Variants in FBN2 observed in about 807,000 individuals in gnomAD.
FBN2 encodes the protein fibrillin 2, also known as fibrillin-2.
Under a neutral mutation model 355.6 loss-of-function variants are expected in FBN2, and 105 were observed. That is an observed-to-expected ratio of 0.30 (90% CI 0.25 to 0.35). The LOEUF (loss-of-function observed/expected upper bound fraction) is 0.35, where lower values mean the gene tolerates loss of function less well. FBN2 is among the 10% of genes least tolerant of loss of function. The probability of loss-of-function intolerance (pLI) is 1.00; values close to 1 mark genes in which losing one functional copy is unlikely to be tolerated. For missense variants in FBN2, 3,280 were observed against 3,758.7 expected (o/e 0.87, Z 3.33); for synonymous variants, 1,350 against 1,301.2 (o/e 1.04, Z -0.81).
In FBN2 at chr5:128,307,212, T is replaced by C. The variant is rs1455411099; in HGVS notation, c.5354-9A>G. On this transcript the variant is annotated splice_polypyrimidine_tract_variant and intron_variant, in intron 41 of 64. Coordinates refer to ENST00000262464, the MANE Select transcript of FBN2 (RefSeq NM_001999.4). ...TATGGTTTTAAAGTCAGCTTTAAAA[T>C]ATAAACAAAGCAATGCACTCTTAAA... The C allele has an allele frequency of 6.4e-7, 1 of 1,560,698 alleles. No homozygotes were observed.
chr5:128,358,435 T>C (rs1376100870), intron 19 of FBN2, among the ~76,000 whole-genome samples: 1 of 152,144 alleles, frequency 6.6e-6, no homozygotes, highest in Non-Finnish European at 1.5e-5. Flanking sequence ...GAATTTATTA[T>C]AAAGCACTTT....
intron 7 of FBN2, among the ~76,000 whole-genome samples, chr5:128,433,722 C>T (rs745847050): frequency 2.0e-4 from 30 of 152,162 alleles, no homozygotes; most frequent in Admixed American, 6.5e-4. Context: ...TTTTCCTCTG[C>T]CGTTCACCAA....
intron 36 of FBN2, among the ~76,000 whole-genome samples, chr5:128,315,928 G>T (rs1042491551): frequency 6.6e-6 from 1 of 152,106 alleles, no homozygotes; most frequent in African/African-American, 2.4e-5. Context: ...ACGTAGTCTG[G>T]GATTGTGCTT....
chr5:128,274,624 C>G lies in FBN2; in HGVS notation c.7654G>C (p.Gly2552Arg), dbSNP rs375790581. 2.0e-5 allele frequency: 32 copies of G among 1,613,442 alleles called. No homozygotes were observed. Among genetic ancestry groups the G allele is most frequent in the Non-Finnish European group, 2.5e-5 (30 of 1,179,540 alleles). ...GGTGGACATTTACAGGTAAACCCCC[C>G]CAGGGTGTTGACACAGAGGAACTGG... ...NCQFLCVNTLGGFTCKCPPGF... is the reference protein window; with the variant it reads ...NCQFLCVNTLRGFTCKCPPGF... The change falls in exon 60 of 65, where the codon GGG (glycine) becomes CGG (arginine). Residue 2552 changes from glycine (G) to arginine (R), a missense_variant. Gly to Arg is a moderately radical substitution (Grantham distance 125). This residue lies in a region of FBN2 where 2,284 missense variants were observed against 2,749.5 expected (regional missense o/e 0.83). Transcript: ENST00000262464.
rs748537515 is a variant in FBN2 at position 128,291,602 on chromosome 5, AG to A, written c.6218del (p.Thr2073IlefsTer176). On this transcript the variant is annotated frameshift_variant, in exon 49 of 65. Transcript: ENST00000262464. LOFTEE classifies it high-confidence loss of function. The stretch of plus-strand genomic sequence containing the variant: ...GGCACTGGAAGCCCCCTGGAGTATT[AG>A]TACAGGAACCAAAAAGACAAATGTT... The part of the protein sequence containing the change: ...DPNICLFGSC[T>X]NTPGGFQCLC... The A allele has an allele frequency of 6.2e-7, 1 of 1,613,518 alleles. No homozygotes were observed. Among genetic ancestry groups the A allele is most frequent in the Non-Finnish European group, 8.5e-7 (1 of 1,179,444 alleles).
At chr5:128,409,130 G>A (rs1241985969) in intron 7 of FBN2, among the ~76,000 whole-genome samples, 1 of 152,016 alleles carries the variant, frequency 6.6e-6, no homozygotes. Flanking sequence ...TCCTACTAGA[G>A]CCTTTAAAAA....
intron 7 of FBN2, among the ~76,000 whole-genome samples, chr5:128,443,589 A>C (rs139698691): frequency 1.3e-5 from 2 of 152,200 alleles, no homozygotes; most frequent in African/African-American, 4.8e-5. Flanking sequence ...AGCTAATTGC[A>C]GTTTCTTGTT....
chr5:128,458,340 A>T (rs1754460666), intron 6 of FBN2, among the ~76,000 whole-genome samples: 2 of 152,048 alleles, frequency 1.3e-5, no homozygotes, highest in Admixed American at 1.3e-4. Flanking sequence ...AGAGACTTAG[A>T]CTTCCACACA....
chr5:128,432,556 A>G (rs1305337087), intron 7 of FBN2, among the ~76,000 whole-genome samples: 2 of 152,140 alleles, frequency 1.3e-5, no homozygotes, highest in African/African-American at 2.4e-5. Context: ...AAAGCCTACA[A>G]TATTTACTAT....
chr5:128,481,633 C>A (rs887771539), intron 5 of FBN2, among the ~76,000 whole-genome samples: 8 of 152,164 alleles, frequency 5.3e-5, no homozygotes, highest in African/African-American at 1.9e-4. Context: ...AAATTTCCAA[C>A]CAGATGTTTG....
chr5:128,394,984 C>T (rs1404600056), intron 9 of FBN2, 138 bp downstream of exon 9: 4 of 908,382 alleles, frequency 4.4e-6, no homozygotes, highest in South Asian at 1.4e-5. Context: ...CAGGATTTCG[C>T]CATGTTGCCC....
intron 5 of FBN2, among the ~76,000 whole-genome samples, chr5:128,509,337 C>A (rs6892983): frequency 0.5 from 75,499 of 151,870 alleles, 22,019 homozygotes; most frequent in African/African-American, 0.82. Flanking sequence ...CAGGCTCACT[C>A]GTCTTTTCGC....
At chr5:128,349,071 A>G (rs954305248) in intron 23 of FBN2, among the ~76,000 whole-genome samples, 22 of 152,334 alleles carry the variant, frequency 1.4e-4, no homozygotes, top group South Asian at 8.3e-4. Context: ...CTATTAACTC[A>G]GTGTGAAAGA....
intron 7 of FBN2, among the ~76,000 whole-genome samples, chr5:128,439,089 C>T (rs538056442): frequency 2.6e-5 from 4 of 152,148 alleles, no homozygotes; most frequent in East Asian, 1.9e-4. Context: ...GCTATCTTTT[C>T]GTAAGGATGA....
intron 8 of FBN2, among the ~76,000 whole-genome samples, chr5:128,402,695 A>G (rs1752828090): frequency 1.3e-5 from 2 of 152,234 alleles, no homozygotes; most frequent in African/African-American, 2.4e-5. Context: ...AGCCCAGGTC[A>G]GAACAATAGT....
At chr5:128,479,964 CTCTCTCTCTCTCTATATATATA>C (rs1223505887) in intron 5 of FBN2, among the ~76,000 whole-genome samples, 3 of 34,878 alleles carry the variant, frequency 8.6e-5, no homozygotes, top group Non-Finnish European at 1.6e-4. Flanking sequence ...CTCTCTCTCT[CTCTCTCTCTCTCTATATATATA>C]TATATATATA....
Position 128,310,118 on chromosome 5 carries a change from G to C in FBN2, c.5075-10C>G, listed in dbSNP as rs1464966073. The C allele has an allele frequency of 1.9e-6, 3 of 1,604,618 alleles. No homozygotes were observed. Among genetic ancestry groups the C allele is most frequent in the Non-Finnish European group, 2.6e-6 (3 of 1,172,098 alleles). ...AAACACTCATCAATATCTAGAGTAG[G>C]CAAGAATATCTATTAATTAATAAAT... On this transcript the variant is annotated splice_polypyrimidine_tract_variant and intron_variant, in intron 39 of 64. Coordinates refer to ENST00000262464, the MANE Select transcript of FBN2 (RefSeq NM_001999.4).
chr5:128,526,063 A>G (rs2112796026), intron 4 of FBN2, among the ~76,000 whole-genome samples: 1 of 152,286 alleles, frequency 6.6e-6, no homozygotes, highest in East Asian at 1.9e-4. Context: ...CTTTCTTTAA[A>G]TGGATACTCC....
In FBN2 at chr5:128,464,896, A is replaced by G; in HGVS notation, c.654T>C (p.Thr218=). The G allele has an allele frequency of 6.2e-7, 1 of 1,614,236 alleles. No homozygotes were observed. Among genetic ancestry groups the G allele is most frequent in the Non-Finnish European group, 8.5e-7 (1 of 1,180,042 alleles). Residue 218 remains threonine, a synonymous_variant, in exon 6 of 65, where the codon ACT becomes ACC. Coordinates refer to ENST00000262464, the MANE Select transcript of FBN2 (RefSeq NM_001999.4). ...ERDYRTGPCF[T]QVNNQMCQGQ... The stretch of plus-strand genomic sequence containing the variant: ...CTTGGCACATCTGGTTGTTGACCTG[A>G]GTGAAACACGGGCCTGTCCTGTAAT...
Sources: allele counts gnomAD v4.1 joint callset (sites outside exome capture counted in the v4.1 genomes callset), GRCh38; gene constraint gnomAD v4.1.1; regional missense constraint gnomAD v4.1.1; transcripts MANE v1.5; gene names NCBI Gene and HGNC (gene_info 2026-07-23, HGNC 2026-07-21).